MAN2B2: variants seen among roughly 807,000 people sequenced by gnomAD.
MAN2B2 encodes epididymis-specific alpha-mannosidase.
In MAN2B2, 106 loss-of-function variants were observed where a neutral mutation model predicts 117.1. The observed-to-expected ratio is 0.90, with a 90% confidence interval of 0.77 to 1.06. MAN2B2 has a LOEUF of 1.06. Among genes scored for constraint, MAN2B2 ranks in the 50% least tolerant of loss-of-function variants. The pLI is 0.00. For synonymous variants in MAN2B2, 544 were observed against 595.1 expected (o/e 0.91, Z 1.25); for missense variants, 1,326 against 1,381.4 (o/e 0.96, Z 0.64).
rs1184939560 is a variant in MAN2B2 at position 6,600,780 on chromosome 4, A to AC, written c.1539+24_1539+25insC. 1.9e-6 allele frequency: 3 copies of AC among 1,612,082 alleles called. No individual in the cohort carries two copies. The South Asian group carries it at 3.3e-5, about 18-fold the overall frequency. ...AGGTATGGACACAAAATCCTGCTGG[A>AC]GGGGCCTTAGCTGCTTGCTGAACCT... On this transcript the variant is annotated intron_variant, in intron 10 of 18. Transcript: ENST00000285599.
At chr4:6,595,984 A>G (rs1727061560) in intron 7 of MAN2B2, among the ~76,000 whole-genome samples, 1 of 152,206 alleles carries the variant, frequency 6.6e-6, no homozygotes, top group African/African-American at 2.4e-5. Context: ...GGGTGTGGTT[A>G]TAGTCAAGGC....
chr4:6,620,070 C>T, intron 18 of MAN2B2, 26 bp downstream of exon 18: 1 of 1,569,056 alleles, frequency 6.4e-7, no homozygotes, highest in Non-Finnish European at 8.7e-7. Flanking sequence ...CTTCAGCTCC[C>T]TACCCAGGAC....
intron 11 of MAN2B2, among the ~76,000 whole-genome samples, chr4:6,606,036 G>A (rs777923525): frequency 6.6e-5 from 10 of 152,196 alleles, no homozygotes; most frequent in African/African-American, 2.2e-4. Flanking sequence ...CACGTCCGGT[G>A]GAGTCTTCAT....
rs1310087208 is a variant in MAN2B2 at position 6,617,847 on chromosome 4, G to T, written c.2814+355G>T. 422 of 163,382 alleles carry T rather than the reference G, an allele frequency of 2.6e-3. 2 individuals are homozygous for T. Among genetic ancestry groups the T allele is most frequent in the Middle Eastern group, 0.011 (4 of 374 alleles). The allele number at this position is 163,382 out of a possible 1,614,324, so 10.1% of individuals were successfully genotyped here. ...AGGGGCGCGCCACCACGATGGCTAA[G>T]TTTTTTTTTTTTTTTTTGAGACCGA... On this transcript the variant is annotated intron_variant, in intron 17 of 18. Transcript: ENST00000285599.
chr4:6,581,018 G>T (rs80036695), intron 3 of MAN2B2, among the ~76,000 whole-genome samples: 1,827 of 152,254 alleles, frequency 0.012, 42 homozygotes, highest in African/African-American at 0.042. Flanking sequence ...GGGCCCTCAG[G>T]GTACAGACAT....
chr4:6,585,583 G>C (rs1164560990), intron 3 of MAN2B2, among the ~76,000 whole-genome samples: 1 of 152,180 alleles, frequency 6.6e-6, no homozygotes, highest in Middle Eastern at 3.2e-3. Flanking sequence ...TTGTATTCAT[G>C]ATCTATTTCC....
At chr4:6,612,896 C>T (rs550407096) in intron 15 of MAN2B2, among the ~76,000 whole-genome samples, 14 of 152,342 alleles carry the variant, frequency 9.2e-5, no homozygotes, top group African/African-American at 3.1e-4. Context: ...TGTAATTGGG[C>T]CTCAGGGCCT....
intron 15 of MAN2B2, among the ~76,000 whole-genome samples, chr4:6,611,754 G>A (rs1415309379): frequency 6.6e-6 from 1 of 152,112 alleles, no homozygotes; most frequent in Admixed American, 6.5e-5. Context: ...AGATTGCACC[G>A]TTGCACCCCA....
chr4:6,611,144 C>T lies in MAN2B2; in HGVS notation c.2429C>T (p.Thr810Met), dbSNP rs150252839. Residue 810 changes from threonine to methionine, a missense_variant, in exon 15 of 19, where the codon ACG (threonine) becomes ATG (methionine). Coordinates refer to ENST00000285599, the MANE Select transcript of MAN2B2 (RefSeq NM_015274.3). ...NFDWDLGYNL[T>M]LNDTSVVHPV... ...GACTGGGACCTGGGCTACAACCTCA[C>T]GCTGAACGACACCTCAGTCGTCCAC... is the stretch of plus-strand genomic sequence containing the variant. The T allele has an allele frequency of 3.7e-3, 5,925 of 1,613,934 alleles. 20 individuals carry two copies. The highest frequency in any genetic ancestry group is 4.7e-3 in the Non-Finnish European group (5,573 of 1,179,980).
Position 6,593,271 on chromosome 4 carries a change from A to G in MAN2B2, c.779A>G (p.Asn260Ser), listed in dbSNP as rs1313352161. The G allele has an allele frequency of 2.5e-6, 4 of 1,613,714 alleles. No individual in the cohort carries two copies. The highest frequency in any genetic ancestry group is 1.7e-5 in the Admixed American group (1 of 59,978). The change falls in exon 6 of 19, where the codon AAC becomes AGC. Residue 260 changes from asparagine (N) to serine (S), a missense_variant. By Grantham distance (46) the Asn-to-Ser change is conservative. Coordinates refer to ENST00000285599, the MANE Select transcript of MAN2B2 (RefSeq NM_015274.3). ...GAGCCTGTCACCCCAGCCAACATCAACCTCTATGCCGAGGCCCTGGTGGCC... is the reference window on the plus strand; with the variant it reads ...GAGCCTGTCACCCCAGCCAACATCAGCCTCTATGCCGAGGCCCTGGTGGCC... ...MSEPVTPANINLYAEALVANV... is the reference protein window; with the variant it reads ...MSEPVTPANISLYAEALVANV...
At chr4:6,575,923 G>A (rs1199647974) in intron 1 of MAN2B2, among the ~76,000 whole-genome samples, 2 of 152,212 alleles carry the variant, frequency 1.3e-5, no homozygotes, top group Non-Finnish European at 2.9e-5. Flanking sequence ...GAGGCCCAGA[G>A]AGGGTTGCTG....
intron 1 of MAN2B2, 23 bp downstream of exon 1, chr4:6,575,371 G>A (rs1396664087): frequency 2.0e-6 from 3 of 1,477,754 alleles, no homozygotes; most frequent in East Asian, 5.3e-5. Flanking sequence ...CACGCCCCGC[G>A]CGCCCCTGAG....
chr4:6,612,776 G>A (rs1044266749), intron 15 of MAN2B2, among the ~76,000 whole-genome samples: 15 of 152,242 alleles, frequency 9.9e-5, no homozygotes, highest in Non-Finnish European at 1.6e-4. Flanking sequence ...CATCCCACCT[G>A]GCCTCACTCT....
intron 16 of MAN2B2, among the ~76,000 whole-genome samples, 195 bp from the exon 17 acceptor site, chr4:6,617,185 A>ATGGT (rs1711921005): frequency 6.6e-6 from 1 of 152,206 alleles, no homozygotes; most frequent in South Asian, 2.1e-4. Context: ...ACCTCCCACC[A>ATGGT]GGTCCCTCCC....
chr4:6,604,089 G>A (rs1265426777), intron 10 of MAN2B2, among the ~76,000 whole-genome samples: 1 of 152,210 alleles, frequency 6.6e-6, no homozygotes, highest in Non-Finnish European at 1.5e-5. Flanking sequence ...AGGTAGTCCA[G>A]GTGGAGGGCA....
chr4:6,601,786 AATCT>A (rs1014857523), intron 10 of MAN2B2, among the ~76,000 whole-genome samples: 7 of 152,182 alleles, frequency 4.6e-5, no homozygotes, highest in African/African-American at 1.2e-4. Flanking sequence ...ACAAAGACCA[AATCT>A]ATCTATGTTT....
At chr4:6,608,980 A>T (rs1007218431) in intron 11 of MAN2B2, 127 bp from the exon 12 acceptor site, 1 of 775,032 alleles carries the variant, frequency 1.3e-6, no homozygotes. Flanking sequence ...AGATGAGCTG[A>T]GTCACATGGC....
chr4:6,596,964 T>C lies in MAN2B2; in HGVS notation c.1058-149T>C. The C allele has an allele frequency of 1.1e-5, 8 of 728,628 alleles. No homozygotes were observed. In the South Asian group the frequency reaches 1.2e-4, roughly 11 times the overall value. 45.1% of individuals were successfully genotyped at this position (728,628 alleles called of 1,614,324 possible). A position where few individuals can be genotyped will look rare whatever the true frequency, so the allele number is the denominator to read the frequency against. On this transcript the variant is annotated intron_variant, in intron 7 of 18. Transcript: ENST00000285599. Reference sequence around the variant, plus strand: ...GGCCTGAGTTGGGAGCCGTAAGCCCTGGGCTCGCTGCCTGCCCGGCCTGCC... The same window carrying C: ...GGCCTGAGTTGGGAGCCGTAAGCCCCGGGCTCGCTGCCTGCCCGGCCTGCC...
intron 2 of MAN2B2, 141 bp downstream of exon 2, chr4:6,576,865 G>C: frequency 1.2e-6 from 1 of 864,396 alleles, no homozygotes; most frequent in Admixed American, 2.6e-5. Flanking sequence ...GCTATTCACA[G>C]CCTTGTTTAG....
Sources: allele counts gnomAD v4.1 joint callset (sites outside exome capture counted in the v4.1 genomes callset), GRCh38; gene constraint gnomAD v4.1.1; transcripts MANE v1.5; gene names NCBI Gene and HGNC (gene_info 2026-07-23, HGNC 2026-07-21).